Variants in ADAMTS17 observed in about 807,000 individuals in gnomAD.
ADAMTS17 encodes the protein A disintegrin and metalloproteinase with thrombospondin motifs 17.
ADAMTS17 carries 113 observed loss-of-function variants against 141.5 expected under a neutral mutation model. The observed-to-expected ratio is 0.80, with a 90% CI of 0.69 to 0.93. The LOEUF (loss-of-function observed/expected upper bound fraction) is 0.93, where lower values mean the gene tolerates loss of function less well. ADAMTS17 is among the 40% of genes least tolerant of loss of function. ADAMTS17 has a pLI of 0.00. For synonymous variants in ADAMTS17, 768 were observed against 630.6 expected (o/e 1.22, Z -3.27); for missense variants, 1,659 against 1,517.9 (o/e 1.09, Z -1.54).
At chr15:100,275,295 T>G (rs2044043211) in intron 4 of ADAMTS17, among the ~76,000 whole-genome samples, 1 of 151,952 alleles carries the variant, frequency 6.6e-6, no homozygotes, top group African/African-American at 2.4e-5. Context: ...GAGGGCCACA[T>G]GAAAGGCAGG....
chr15:100,281,507 G>C, intron 3 of ADAMTS17, 106 bp from the exon 4 acceptor site: 1 of 1,437,438 alleles, frequency 7.0e-7, no homozygotes, highest in Non-Finnish European at 9.5e-7. Flanking sequence ...GGTCAGTCTC[G>C]ACAGGCCTAG....
At position 100,341,892 on chromosome 15, in the gene ADAMTS17, T is replaced by C; in HGVS notation, c.8A>G (p.Asp3Gly). Reference sequence around the variant, plus strand: ...GACGAGCGGAGGCAGCAGGGCGCCGTCACACATGGTACCCGGGACCGGCAG... The same window carrying C: ...GACGAGCGGAGGCAGCAGGGCGCCGCCACACATGGTACCCGGGACCGGCAG... MC[D>G]GALLPPLVLP... The change falls in exon 1 of 22, where the codon GAC (aspartate) becomes GGC (glycine). Residue 3 changes from aspartate to glycine, a missense_variant. By Grantham distance (94) the Asp-to-Gly change is moderately conservative (BLOSUM62 -1). Transcript: ENST00000268070. 6.5e-7 allele frequency: 1 copy of C among 1,550,020 alleles called. No individual in the cohort carries two copies. Among genetic ancestry groups the C allele is most frequent in the East Asian group, 2.4e-5 (1 of 40,846 alleles).
Position 100,214,721 on chromosome 15 carries a change from G to A in ADAMTS17, c.1076-15298C>T, listed in dbSNP as rs537148414. 1.4e-4 allele frequency among the ~76,000 whole-genome samples: 22 copies of A among 152,250 alleles called. No individual in the cohort carries two copies. The South Asian group carries it at 3.3e-3, about 23-fold the overall frequency. On this transcript the variant is annotated intron_variant, in intron 7 of 21. Transcript: ENST00000268070. ...AGAATGTTCTAGGTTCACTTGCTCG[G>A]CCCACCATCCACGCAGGAGGCTGAA...
intron 20 of ADAMTS17, among the ~76,000 whole-genome samples, chr15:99,981,728 A>G (rs1206165289): frequency 6.6e-6 from 1 of 152,194 alleles, no homozygotes; most frequent in African/African-American, 2.4e-5. Flanking sequence ...ATGTCATCAT[A>G]TGGTTTCTGG....
intron 18 of ADAMTS17, among the ~76,000 whole-genome samples, chr15:100,034,165 T>C (rs1055181670): frequency 2.0e-5 from 3 of 152,196 alleles, no homozygotes; most frequent in Non-Finnish European, 4.4e-5. Flanking sequence ...CCAGGAAAGG[T>C]AGACTCCAGG....
intron 8 of ADAMTS17, among the ~76,000 whole-genome samples, chr15:100,157,466 T>C (rs2039488500): frequency 6.6e-6 from 1 of 152,178 alleles, no homozygotes; most frequent in Non-Finnish European, 1.5e-5. Flanking sequence ...ACTAGAGTCA[T>C]TTCTGAAAAG....
chr15:99,986,913 C>T (rs2060600531), intron 20 of ADAMTS17, among the ~76,000 whole-genome samples: 1 of 152,162 alleles, frequency 6.6e-6, no homozygotes, highest in Admixed American at 6.5e-5. Flanking sequence ...TTCAAACATA[C>T]CAGAGTGATA....
chr15:100,117,107 G>C, intron 12 of ADAMTS17, 94 bp from the exon 13 acceptor site: 1 of 1,466,792 alleles, frequency 6.8e-7, no homozygotes, highest in Admixed American at 2.0e-5. Flanking sequence ...AGGAGAGGAA[G>C]GGGGCAGGGC....
intron 7 of ADAMTS17, among the ~76,000 whole-genome samples, chr15:100,228,143 G>C (rs1190208047): frequency 6.6e-6 from 1 of 152,086 alleles, no homozygotes; most frequent in Non-Finnish European, 1.5e-5. Context: ...TTTCAGAAGG[G>C]GCCATCTCCT....
intron 3 of ADAMTS17, among the ~76,000 whole-genome samples, chr15:100,297,929 G>A (rs898063338): frequency 1.8e-4 from 27 of 152,110 alleles, no homozygotes; most frequent in Admixed American, 1.8e-3. Context: ...CAAGAACCAG[G>A]GAAAGTGAAG....
chr15:100,000,907 C>T lies in ADAMTS17; in HGVS notation c.2592-3318G>A, dbSNP rs185371762. 2.6e-4 allele frequency among the ~76,000 whole-genome samples: 40 copies of T among 152,318 alleles called. No individual in the cohort carries two copies. In the East Asian group the frequency reaches 2.7e-3, roughly 10 times the overall value. ...GAGACATCTTTAAAATGAATAAAAA[C>T]GTATGCTTATTTCTCTCATTGCTCC... On this transcript the variant is annotated intron_variant, in intron 18 of 21. Coordinates refer to ENST00000268070, the MANE Select transcript of ADAMTS17 (RefSeq NM_139057.4).
chr15:100,258,854 T>C (rs1027679757), intron 6 of ADAMTS17, among the ~76,000 whole-genome samples: 1 of 152,208 alleles, frequency 6.6e-6, no homozygotes, highest in Non-Finnish European at 1.5e-5. Flanking sequence ...CATAGCATCT[T>C]TGCATTGAGG....
chr15:100,292,147 AGACACGCTCACCCCGTGGGAAACTAC>A (rs2044651050), intron 3 of ADAMTS17, among the ~76,000 whole-genome samples: 3 of 151,004 alleles, frequency 2.0e-5, no homozygotes, highest in South Asian at 2.1e-4. Context: ...GGGAGTCACG[AGACACGCTCACCCCGTGGGAAACTAC>A]GAGACACGCT....
chr15:100,077,070 C>T (rs1025537438), intron 15 of ADAMTS17, among the ~76,000 whole-genome samples: 2 of 151,824 alleles, frequency 1.3e-5, no homozygotes, highest in African/African-American at 4.8e-5. Flanking sequence ...TACTAGCAAG[C>T]CCAATCCAGC....
intron 8 of ADAMTS17, among the ~76,000 whole-genome samples, chr15:100,178,787 C>A (rs1308417885): frequency 1.3e-5 from 2 of 152,018 alleles, no homozygotes; most frequent in Admixed American, 1.3e-4. Context: ...TGTATTTTTT[C>A]TTCATTCCTG....
At chr15:100,278,810 T>C (rs1327655440) in intron 4 of ADAMTS17, among the ~76,000 whole-genome samples, 2 of 152,200 alleles carry the variant, frequency 1.3e-5, no homozygotes, top group Non-Finnish European at 2.9e-5. Context: ...GATTTCCCTG[T>C]GGCTGGTTAG....
At chr15:100,106,029 C>A (rs1424259722) in intron 14 of ADAMTS17, among the ~76,000 whole-genome samples, 2 of 151,952 alleles carry the variant, frequency 1.3e-5, no homozygotes, top group South Asian at 2.1e-4. Flanking sequence ...CATGGTCTCA[C>A]TCTGTCACGT....
intron 14 of ADAMTS17, among the ~76,000 whole-genome samples, chr15:100,108,094 G>A (rs1428613570): frequency 6.6e-6 from 1 of 152,168 alleles, no homozygotes; most frequent in Admixed American, 6.5e-5. Flanking sequence ...CCTGGGGAGG[G>A]TAAGGGCTAC....
At chr15:100,278,999 T>G (rs948082904) in intron 4 of ADAMTS17, among the ~76,000 whole-genome samples, 1 of 152,126 alleles carries the variant, frequency 6.6e-6, no homozygotes, top group Admixed American at 6.5e-5. Context: ...GGCCACCACA[T>G]GCCACCAGGC....
Sources: gnomAD v4.1 joint callset for allele counts (sites outside exome capture counted in the v4.1 genomes callset) on GRCh38, gnomAD v4.1.1 for gene constraint, MANE v1.5 for transcripts, NCBI Gene and HGNC (gene_info 2026-07-23, HGNC 2026-07-21) for gene names.